The following CHAMP1 variants were observed in gnomAD, a reference collection of about 807,000 sequenced individuals.
The protein encoded by CHAMP1 is chromosome alignment maintaining phosphoprotein 1, also known as chromosome alignment-maintaining phosphoprotein 1.
CHAMP1 carries 4 observed loss-of-function variants against 54.5 expected under a neutral mutation model. The observed-to-expected ratio is 0.07, with a 90% confidence interval of 0.04 to 0.17. CHAMP1 has a LOEUF of 0.17. Ranked by LOEUF, CHAMP1 falls within the 10% of genes least tolerant of loss-of-function variation. The probability of loss-of-function intolerance (pLI) is 1.00; values close to 1 mark genes in which losing one functional copy is unlikely to be tolerated. For synonymous variants in CHAMP1, 368 were observed against 342.2 expected (o/e 1.08, Z -0.83); for missense variants, 994 against 968.6 (o/e 1.03, Z -0.35).
rs200854460 is a variant in CHAMP1 at position 114,325,521 on chromosome 13, T to C, written c.1679T>C (p.Phe560Ser). Residue 560 changes from phenylalanine to serine, a missense_variant, in exon 3 of 3, where the codon TTC becomes TCC. Phe to Ser is a radical substitution (Grantham distance 155). Coordinates refer to ENST00000361283, the MANE Select transcript of CHAMP1 (RefSeq NM_032436.4). ...CCAGAGCCCCGGAAGCATGCCCTTTTCCCTGAACTCCCCAAATCTGCTCTA... is the reference window on the plus strand; with the variant it reads ...CCAGAGCCCCGGAAGCATGCCCTTTCCCCTGAACTCCCCAAATCTGCTCTA... ...LFPEPRKHAL[F>S]PELPKSALFS... The C allele has an allele frequency of 1.4e-4, 226 of 1,614,130 alleles. No homozygotes were observed. The highest frequency in any genetic ancestry group is 1.7e-4 in the Non-Finnish European group (204 of 1,180,028).
At chr13:114,319,473 A>G (rs1019602002) in intron 1 of CHAMP1, among the ~76,000 whole-genome samples, 4 of 152,236 alleles carry the variant, frequency 2.6e-5, no homozygotes, top group African/African-American at 7.2e-5. Context: ...TGTTTTTGGT[A>G]TCAGGCTGTA....
intron 1 of CHAMP1, among the ~76,000 whole-genome samples, chr13:114,317,589 A>C (rs2087115531): frequency 6.6e-6 from 1 of 152,120 alleles, no homozygotes; most frequent in African/African-American, 2.4e-5. Context: ...GCGTCACTGC[A>C]CCAAAACCTT....
chr13:114,316,459 G>T (rs959802660), intron 1 of CHAMP1, among the ~76,000 whole-genome samples: 4 of 151,662 alleles, frequency 2.6e-5, no homozygotes, highest in South Asian at 4.2e-4. Context: ...CTGTGGTGGC[G>T]CGCGCCTGTA....
intron 1 of CHAMP1, among the ~76,000 whole-genome samples, chr13:114,320,658 A>G (rs1173713509): frequency 1.3e-5 from 2 of 152,072 alleles, no homozygotes; most frequent in East Asian, 1.9e-4. Flanking sequence ...GTGTCATTTC[A>G]TAAAAGTAAG....
chr13:114,325,499 G>C lies in CHAMP1; in HGVS notation c.1657G>C (p.Glu553Gln), dbSNP rs782465797. ...PEARKRALFP[E>Q]PRKHALFPEL... The stretch of plus-strand genomic sequence containing the variant: ...AGCACGCAAACGTGCCCTTTTTCCA[G>C]AGCCCCGGAAGCATGCCCTTTTCCC... Residue 553 changes from glutamate to glutamine, a missense_variant, in exon 3 of 3, where the codon GAG (glutamate) becomes CAG (glutamine). Physicochemically the swap from Glu to Gln is conservative, Grantham distance 29 (BLOSUM62 2). Around this residue, in one of 3 missense-constraint regions of CHAMP1, gnomAD observed 851 missense variants for 701.3 expected, o/e 1.21. Transcript: ENST00000361283. 28 of 1,614,088 alleles carry C rather than the reference G, an allele frequency of 1.7e-5. 1 individual carries two copies. In the South Asian group the frequency reaches 2.6e-4, roughly 15 times the overall value.
chr13:114,325,602 T>G lies in CHAMP1; in HGVS notation c.1760T>G (p.Ile587Arg). 6.2e-7 allele frequency: 1 copy of G among 1,614,184 alleles called. No individual in the cohort carries two copies. The highest frequency in any genetic ancestry group is 1.1e-5 in the South Asian group (1 of 91,078). ...ELGDELQIDA[I>R]DDQKCDILVQ... is the part of the protein sequence containing the mutation. Reference sequence around the variant, plus strand: ...GGTGATGAACTACAAATAGATGCCATAGATGATCAAAAATGTGATATTTTG... The same window carrying G: ...GGTGATGAACTACAAATAGATGCCAGAGATGATCAAAAATGTGATATTTTG... The change falls in exon 3 of 3, where the codon ATA (isoleucine) becomes AGA (arginine). Residue 587 changes from isoleucine to arginine, a missense_variant. Physicochemically the swap from Ile to Arg is moderately conservative, Grantham distance 97 (BLOSUM62 -3). Transcript: ENST00000361283.
intron 1 of CHAMP1, among the ~76,000 whole-genome samples, chr13:114,315,872 C>T (rs570769387): frequency 1.1e-4 from 16 of 143,030 alleles, no homozygotes; most frequent in African/African-American, 4.2e-4. Context: ...GTTTCGCTCT[C>T]GTTGCCCAGG....
At position 114,326,832 on chromosome 13, in the gene CHAMP1, A is replaced by G. The variant is rs1555380078; in HGVS notation, c.*551A>G. The G allele has an allele frequency of 6.0e-6, 1 of 166,944 alleles. No homozygotes were observed. The highest frequency in any genetic ancestry group is 2.4e-5 in the African/African-American group (1 of 41,420). The allele number at this position is 166,944 out of a possible 1,614,324, so 10.3% of individuals were successfully genotyped here. A position where few individuals can be genotyped will look rare whatever the true frequency, so the allele number is the denominator to read the frequency against. On this transcript the variant is annotated 3_prime_UTR_variant, in exon 3 of 3. Coordinates refer to ENST00000361283, the MANE Select transcript of CHAMP1 (RefSeq NM_032436.4). ...AAATGTTGGAGTCTCAGGGTTGCTG[A>G]TTTTCTGCTAATGGGAAAAATTGAC... is the stretch of plus-strand genomic sequence containing the variant.
intron 1 of CHAMP1, among the ~76,000 whole-genome samples, chr13:114,317,958 A>G (rs958875895): frequency 6.6e-6 from 1 of 152,212 alleles, no homozygotes; most frequent in African/African-American, 2.4e-5. Context: ...AATCTGGACA[A>G]TTCTGAGTTA....
At chr13:114,318,666 G>T (rs1054819415) in intron 1 of CHAMP1, among the ~76,000 whole-genome samples, 5 of 151,850 alleles carry the variant, frequency 3.3e-5, no homozygotes, top group Non-Finnish European at 7.4e-5. Flanking sequence ...ACCTGACAAA[G>T]GAACTCGTTC....
rs888723254 is a variant in CHAMP1 at position 114,326,604 on chromosome 13, T to A, written c.*323T>A. 1.0e-4 allele frequency: 22 copies of A among 220,610 alleles called. No homozygotes were observed. The highest frequency in any genetic ancestry group is 4.1e-4 in the African/African-American group (18 of 43,602). The allele number at this position is 220,610 out of a possible 1,614,324, so 13.7% of individuals were successfully genotyped here. ...GCAAGTTGTACTCAAAGCATTCAGT[T>A]AAAGTGTATCTGTGTGTGGAACTAA... On this transcript the variant is annotated 3_prime_UTR_variant, in exon 3 of 3. Coordinates refer to ENST00000361283, the MANE Select transcript of CHAMP1 (RefSeq NM_032436.4).
intron 1 of CHAMP1, among the ~76,000 whole-genome samples, chr13:114,316,724 G>A (rs549717744): frequency 6.6e-6 from 1 of 151,480 alleles, no homozygotes; most frequent in Admixed American, 6.6e-5. Context: ...TCCTTCATTC[G>A]AAATGCTTGG....
In CHAMP1 at chr13:114,324,329, G is replaced by A; in HGVS notation, c.487G>A (p.Val163Ile). Residue 163 changes from valine to isoleucine, a missense_variant, in exon 3 of 3, where the codon GTT becomes ATT. Val to Ile is a conservative substitution (Grantham distance 29). This residue lies in a region of CHAMP1 where 851 missense variants were observed against 701.3 expected (regional missense o/e 1.21). Transcript: ENST00000361283. ...GGAGCCTCAGAAACCTGGCTCTGTT[G>A]TTTCTCCTGAGCTACAGACACCTCT... ...PLEPQKPGSVVSPELQTPLPS... is the reference protein window; with the variant it reads ...PLEPQKPGSVISPELQTPLPS... 1.2e-6 allele frequency: 2 copies of A among 1,614,048 alleles called. No homozygotes were observed. The highest frequency in any genetic ancestry group is 1.7e-6 in the Non-Finnish European group (2 of 1,180,016).
intron 2 of CHAMP1, chr13:114,323,173 C>G (rs949854104): frequency 8.5e-5 from 13 of 152,262 alleles, no homozygotes; most frequent in African/African-American, 2.9e-4. Context: ...GTGCCTAGAA[C>G]ATTGTAGGAC....
chr13:114,314,966 C>T (rs977023327), intron 1 of CHAMP1, among the ~76,000 whole-genome samples: 2 of 152,224 alleles, frequency 1.3e-5, no homozygotes, highest in African/African-American at 2.4e-5. Context: ...ACTGCCTCCT[C>T]TTCTGTCATT....
Position 114,324,562 on chromosome 13 carries a change from T to C in CHAMP1, c.720T>C (p.Pro240=), listed in dbSNP as rs372767810. Residue 240 remains proline (P), a synonymous_variant, in exon 3 of 3, where the codon CCT becomes CCC. Transcript: ENST00000361283. ...QSHFPETLGP[P]SASSPESPVL... ...ATTTCCCGGAAACATTGGGGCCACC[T>C]TCAGCCTCATCTCCAGAGTCACCAG... is the stretch of plus-strand genomic sequence containing the variant. The C allele has an allele frequency of 5.6e-6, 9 of 1,614,098 alleles. No individual in the cohort carries two copies. The East Asian group carries it at 6.7e-5, about 12-fold the overall frequency.
chr13:114,319,239 T>C (rs1349396719), intron 1 of CHAMP1, among the ~76,000 whole-genome samples: 2 of 152,172 alleles, frequency 1.3e-5, no homozygotes, highest in Admixed American at 1.3e-4. Context: ...AACTATAAAT[T>C]GAAGTTTTAA....
At position 114,325,728 on chromosome 13, in the gene CHAMP1, C is replaced by T; in HGVS notation, c.1886C>T (p.Ala629Val). ...AAAGACAACCAAGAGAGCTCAGACG[C>T]TGAGCTTAGTAGTAGTGAGTACATA... ...LKKDNQESSDAELSSSEYIKT... is the reference protein window; with the variant it reads ...LKKDNQESSDVELSSSEYIKT... Residue 629 changes from alanine to valine, a missense_variant, in exon 3 of 3, where the codon GCT (alanine) becomes GTT (valine). By Grantham distance (64) the Ala-to-Val change is moderately conservative. Around this residue, in one of 3 missense-constraint regions of CHAMP1, gnomAD observed 851 missense variants for 701.3 expected, o/e 1.21. Transcript: ENST00000361283. 1 of 1,614,112 alleles carries T rather than the reference C, an allele frequency of 6.2e-7. No individual in the cohort carries two copies.
Position 114,324,470 on chromosome 13 carries a change from C to T in CHAMP1, c.628C>T (p.Pro210Ser), listed in dbSNP as rs376019121. The T allele has an allele frequency of 6.2e-7, 1 of 1,614,202 alleles. No individual in the cohort carries two copies. Among genetic ancestry groups the T allele is most frequent in the Non-Finnish European group, 8.5e-7 (1 of 1,180,040 alleles). ...APVPSPEPQK[P>S]APVSPESVKA... ...TGTTCCTTCTCCAGAACCACAGAAACCTGCCCCTGTATCTCCTGAGTCAGT... is the reference window on the plus strand; with the variant it reads ...TGTTCCTTCTCCAGAACCACAGAAATCTGCCCCTGTATCTCCTGAGTCAGT... The change falls in exon 3 of 3, where the codon CCT becomes TCT. Residue 210 changes from proline to serine, a missense_variant. By Grantham distance (74) the Pro-to-Ser change is moderately conservative (BLOSUM62 -1). This residue lies in a region of CHAMP1 where 851 missense variants were observed against 701.3 expected (regional missense o/e 1.21). Transcript: ENST00000361283.
Sources: gnomAD v4.1 joint callset for allele counts (sites outside exome capture counted in the v4.1 genomes callset) on GRCh38, gnomAD v4.1.1 for gene constraint, gnomAD v4.1.1 regional missense constraint, MANE v1.5 for transcripts, NCBI Gene and HGNC (gene_info 2026-07-23, HGNC 2026-07-21) for gene names.